CLYBL: variants seen among roughly 807,000 people sequenced by gnomAD.
CLYBL encodes the protein citramalyl-CoA lyase, also known as citramalyl-CoA lyase, mitochondrial.
In CLYBL, 31 loss-of-function variants were observed where a neutral mutation model predicts 38.9. The ratio of observed to expected loss-of-function variants is 0.80; its 90% confidence interval spans 0.60 to 1.08. The LOEUF is 1.08. Among genes scored for constraint, CLYBL ranks in the 50% least tolerant of loss-of-function variants. CLYBL has a pLI of 0.00. For missense variants in CLYBL, 434 were observed against 411.6 expected, an observed-to-expected ratio of 1.05 and a Z score of -0.47; for synonymous variants, 171 against 158.6, an observed-to-expected ratio of 1.08 and a Z score of -0.59.
chr13:99,859,750 T>C (rs17658053), intron 3 of CLYBL, among the ~76,000 whole-genome samples: 3,093 of 152,318 alleles, frequency 0.02, 60 homozygotes, highest in Admixed American at 0.055. Context: ...TACACTATGA[T>C]TGTTTTAATT....
chr13:99,716,375 A>ATTTT (rs1356474996), intron 1 of CLYBL, among the ~76,000 whole-genome samples: 18 of 111,718 alleles, frequency 1.6e-4, no homozygotes, highest in African/African-American at 6.8e-4. Context: ...ACTGGCCTAT[A>ATTTT]TTTTTCTTTC....
At chr13:99,727,548 A>G (rs2048499712) in intron 1 of CLYBL, 1 of 151,532 alleles carries the variant, frequency 6.6e-6, no homozygotes, top group South Asian at 2.1e-4. Flanking sequence ...TCTGCCTCCA[A>G]CAAACCTCCT....
chr13:99,755,648 C>T (rs1270995421), intron 1 of CLYBL, among the ~76,000 whole-genome samples: 2 of 152,240 alleles, frequency 1.3e-5, no homozygotes, highest in African/African-American at 4.8e-5. Context: ...TGTTGCCCTT[C>T]TCTGCCTGAG....
intron 2 of CLYBL, among the ~76,000 whole-genome samples, chr13:99,781,184 A>C (rs1189458570): frequency 6.9e-6 from 1 of 145,332 alleles, no homozygotes; most frequent in Non-Finnish European, 1.5e-5. Context: ...TTATTTATTT[A>C]TTTTGAGACG....
At chr13:99,676,947 C>T (rs1241597341) in intron 1 of CLYBL, among the ~76,000 whole-genome samples, 2 of 148,088 alleles carry the variant, frequency 1.4e-5, no homozygotes, top group Non-Finnish European at 3.0e-5. Flanking sequence ...TAGATAAATA[C>T]TGCCACAATT....
intron 6 of CLYBL, 21 bp downstream of exon 6, chr13:99,866,428 A>T: frequency 6.2e-7 from 1 of 1,600,156 alleles, no homozygotes. Context: ...TGTCTTAGAA[A>T]GCAGTGTCTA....
intron 7 of CLYBL, among the ~76,000 whole-genome samples, chr13:99,885,549 T>C (rs1053095410): frequency 2.6e-5 from 4 of 152,084 alleles, no homozygotes; most frequent in Non-Finnish European, 5.9e-5. Context: ...TTTAGAAAGA[T>C]AACAGCACGC....
At chr13:99,632,713 C>G (rs944194092) in intron 1 of CLYBL, among the ~76,000 whole-genome samples, 4 of 151,854 alleles carry the variant, frequency 2.6e-5, no homozygotes, top group Non-Finnish European at 5.9e-5. Context: ...CCACTGCACT[C>G]CAGCCTGGTG....
At chr13:99,630,593 A>T (rs1028565546) in intron 1 of CLYBL, among the ~76,000 whole-genome samples, 1 of 152,086 alleles carries the variant, frequency 6.6e-6, no homozygotes, top group Non-Finnish European at 1.5e-5. Flanking sequence ...GTATAAAGAC[A>T]TATTATTTTT....
intron 1 of CLYBL, among the ~76,000 whole-genome samples, chr13:99,662,911 C>A (rs1353663185): frequency 6.6e-6 from 1 of 152,210 alleles, no homozygotes; most frequent in East Asian, 1.9e-4. Flanking sequence ...TCAAGGACTT[C>A]AGACAGTGCT....
chr13:99,860,108 G>A (rs1387874833), intron 3 of CLYBL, among the ~76,000 whole-genome samples: 6 of 152,156 alleles, frequency 3.9e-5, no homozygotes, highest in Admixed American at 6.5e-5. Context: ...GCATTGAAAC[G>A]TGGCCAGCAC....
chr13:99,607,989 C>T (rs1196499412), intron 1 of CLYBL, among the ~76,000 whole-genome samples: 1 of 151,984 alleles, frequency 6.6e-6, no homozygotes, highest in Non-Finnish European at 1.5e-5. Flanking sequence ...AGGGGGTCCA[C>T]CCGGATCAGC....
At chr13:99,759,273 C>T (rs2049121539) in intron 1 of CLYBL, among the ~76,000 whole-genome samples, 1 of 151,926 alleles carries the variant, frequency 6.6e-6, no homozygotes, top group Non-Finnish European at 1.5e-5. Context: ...TTAAGGAAGC[C>T]CTAAACTAGA....
intron 1 of CLYBL, among the ~76,000 whole-genome samples, chr13:99,607,083 G>C (rs993970270): frequency 1.2e-4 from 18 of 152,212 alleles, no homozygotes; most frequent in Admixed American, 1.2e-3. Context: ...CGGCTTGCCT[G>C]GTGAAGAACA....
chr13:99,635,495 A>G (rs769087873), intron 1 of CLYBL, among the ~76,000 whole-genome samples: 3 of 152,022 alleles, frequency 2.0e-5, no homozygotes, highest in Admixed American at 6.5e-5. Context: ...CCCCTTCCAC[A>G]TGTTCAGCCC....
At chr13:99,630,903 A>G (rs1026524226) in intron 1 of CLYBL, among the ~76,000 whole-genome samples, 1 of 152,252 alleles carries the variant, frequency 6.6e-6, no homozygotes, top group Admixed American at 6.5e-5. Flanking sequence ...TTACATGCCT[A>G]CTAAGGGATG....
At chr13:99,654,846 A>C (rs1369797008) in intron 1 of CLYBL, among the ~76,000 whole-genome samples, 2 of 152,128 alleles carry the variant, frequency 1.3e-5, no homozygotes, top group South Asian at 2.1e-4. Context: ...TCTACTAAAA[A>C]TACAAAAAAT....
chr13:99,763,548 C>CTTTTTTTTTTTTTTTTTTTTTTTTTT, intron 1 of CLYBL, among the ~76,000 whole-genome samples: 1 of 116,170 alleles, frequency 8.6e-6, no homozygotes, highest in Non-Finnish European at 1.7e-5. Context: ...TCTTTTTATT[C>CTTTTTTTTTTTTTTTTTTTTTTTTTT]TTTTTTTTTT....
In CLYBL at chr13:99,831,921, A is replaced by G. The variant is rs80280792; in HGVS notation, c.250-26940A>G. On this transcript the variant is annotated intron_variant, in intron 2 of 8. Transcript: ENST00000339105. ...AATTCTGCTGTTTTATTATACATTTATCAAACAGTTCACTATCTGGTCTTT... is the reference window on the plus strand; with the variant it reads ...AATTCTGCTGTTTTATTATACATTTGTCAAACAGTTCACTATCTGGTCTTT... Among the ~76,000 whole-genome samples the G allele has an allele frequency of 2.9e-3, 444 of 152,322 alleles. 6 individuals carry two copies. The highest frequency in any genetic ancestry group is 9.8e-3 in the African/African-American group (408 of 41,582).
Sources: allele counts gnomAD v4.1 joint callset (sites outside exome capture counted in the v4.1 genomes callset), GRCh38; gene constraint gnomAD v4.1.1; transcripts MANE v1.5; gene names NCBI Gene and HGNC (gene_info 2026-07-23, HGNC 2026-07-21).